Variants in SPPL3 observed in about 807,000 individuals in gnomAD.
The protein encoded by SPPL3 is signal peptide peptidase like 3, also known as signal peptide peptidase-like 3.
SPPL3 carries 5 observed loss-of-function variants against 42.4 expected under a neutral mutation model. The observed-to-expected ratio is 0.12, with a 90% CI of 0.06 to 0.25. The LOEUF is 0.25. Ranked by LOEUF, SPPL3 falls within the 10% of genes least tolerant of loss-of-function variation. SPPL3 has a pLI of 1.00. For missense variants in SPPL3, 235 were observed against 489.0 expected, an observed-to-expected ratio of 0.48 and a Z score of 4.90; for synonymous variants, 195 against 181.8, an observed-to-expected ratio of 1.07 and a Z score of -0.58.
At chr12:120,766,095 C>T (rs1296552409) in intron 10 of SPPL3, among the ~76,000 whole-genome samples, 168 bp downstream of exon 10, 2 of 94,030 alleles carry the variant, frequency 2.1e-5, no homozygotes, top group Non-Finnish European at 4.0e-5. Flanking sequence ...GGGTAGCGCG[C>T]GCGCGCACAC....
At chr12:120,854,297 T>C (rs903648308) in intron 1 of SPPL3, among the ~76,000 whole-genome samples, 1 of 152,146 alleles carries the variant, frequency 6.6e-6, no homozygotes, top group African/African-American at 2.4e-5. Context: ...GAGGTAAACA[T>C]GGTCCACCCC....
At chr12:120,766,167 G>T in intron 10 of SPPL3, 96 bp downstream of exon 10, 1 of 979,554 alleles carries the variant, frequency 1.0e-6, no homozygotes, top group East Asian at 2.9e-5. Flanking sequence ...CTCACTCAGG[G>T]GCTTAAGCAG....
chr12:120,900,804 C>T (rs1315627472), intron 1 of SPPL3, among the ~76,000 whole-genome samples: 1 of 151,616 alleles, frequency 6.6e-6, no homozygotes, highest in African/African-American at 2.4e-5. Flanking sequence ...CGTCTGTGGT[C>T]CCAGCCACCT....
intron 3 of SPPL3, among the ~76,000 whole-genome samples, chr12:120,788,922 T>G (rs987337810): frequency 6.6e-6 from 1 of 152,242 alleles, no homozygotes. Flanking sequence ...TCTTTGATTC[T>G]TGATAAATTC....
intron 2 of SPPL3, among the ~76,000 whole-genome samples, chr12:120,808,396 G>A (rs1870574809): frequency 6.6e-6 from 1 of 152,064 alleles, no homozygotes; most frequent in Non-Finnish European, 1.5e-5. Context: ...TTTGTAAACA[G>A]GGAGGTTCAC....
In SPPL3 at chr12:120,880,570, T is replaced by C. The variant is rs139250045; in HGVS notation, c.23+23275A>G. On this transcript the variant is annotated intron_variant, in intron 1 of 10. Transcript: ENST00000353487. Reference sequence around the variant, plus strand: ...TTGGGAGGCTGAAGTGTGCAGATCATGAGGTCAGGAGATGGAGACCATCCT... The same window carrying C: ...TTGGGAGGCTGAAGTGTGCAGATCACGAGGTCAGGAGATGGAGACCATCCT... 1.9e-3 allele frequency among the ~76,000 whole-genome samples: 291 copies of C among 152,038 alleles called. 2 individuals are homozygous for C. Among genetic ancestry groups the C allele is most frequent in the East Asian group, 0.014 (72 of 5,186 alleles).
chr12:120,790,602 C>CT (rs776115620), intron 3 of SPPL3, among the ~76,000 whole-genome samples: 23 of 152,318 alleles, frequency 1.5e-4, no homozygotes, highest in Non-Finnish European at 2.8e-4. Context: ...TCAAACCCAC[C>CT]TTCTCTTGTA....
At chr12:120,892,625 T>C (rs1245265676) in intron 1 of SPPL3, among the ~76,000 whole-genome samples, 2 of 152,134 alleles carry the variant, frequency 1.3e-5, no homozygotes, top group African/African-American at 2.4e-5. Flanking sequence ...GAAAGTCAGA[T>C]TGTAGAGGGT....
At chr12:120,854,666 C>T (rs1255953459) in intron 1 of SPPL3, among the ~76,000 whole-genome samples, 1 of 152,120 alleles carries the variant, frequency 6.6e-6, no homozygotes, top group African/African-American at 2.4e-5. Context: ...AAGACTCAAG[C>T]AAAAATGACT....
intron 1 of SPPL3, among the ~76,000 whole-genome samples, chr12:120,875,526 G>C (rs1400124113): frequency 2.6e-5 from 4 of 151,984 alleles, no homozygotes; most frequent in Admixed American, 2.6e-4. Flanking sequence ...CTACTCCAGA[G>C]GCTGAGGCAG....
chr12:120,886,894 G>C (rs1440309772), intron 1 of SPPL3, among the ~76,000 whole-genome samples: 1 of 152,160 alleles, frequency 6.6e-6, no homozygotes, highest in African/African-American at 2.4e-5. Context: ...AATGTGGCTA[G>C]TCTGAATTGA....
At chr12:120,774,917 A>T (rs975097356) in intron 6 of SPPL3, among the ~76,000 whole-genome samples, 48 of 152,236 alleles carry the variant, frequency 3.2e-4, no homozygotes, top group Middle Eastern at 6.8e-3. Flanking sequence ...GTAAATGATT[A>T]ATCTTAGCCA....
chr12:120,875,836 C>T (rs1873070014), intron 1 of SPPL3, among the ~76,000 whole-genome samples: 1 of 151,986 alleles, frequency 6.6e-6, no homozygotes, highest in Non-Finnish European at 1.5e-5. Flanking sequence ...AAGATCCGGC[C>T]ACATGCTATG....
At chr12:120,838,293 G>A (rs1040838145) in intron 1 of SPPL3, among the ~76,000 whole-genome samples, 3 of 152,170 alleles carry the variant, frequency 2.0e-5, no homozygotes, top group African/African-American at 7.2e-5. Context: ...CAGGAGAGGT[G>A]TGACTCTGTA....
At chr12:120,864,753 A>T (rs1363870042) in intron 1 of SPPL3, among the ~76,000 whole-genome samples, 1 of 152,232 alleles carries the variant, frequency 6.6e-6, no homozygotes, top group Non-Finnish European at 1.5e-5. Flanking sequence ...TCCTTAAAAC[A>T]ACCACAGTAC....
chr12:120,785,035 C>G (rs1869670295), intron 3 of SPPL3, among the ~76,000 whole-genome samples: 1 of 152,144 alleles, frequency 6.6e-6, no homozygotes, highest in East Asian at 1.9e-4. Context: ...CTCGTTGTTG[C>G]TAATAGTTGA....
intron 1 of SPPL3, among the ~76,000 whole-genome samples, chr12:120,829,994 CAAAA>C (rs35847324): frequency 5.0e-5 from 6 of 119,552 alleles, no homozygotes; most frequent in Non-Finnish European, 5.3e-5. Context: ...AACTCCATCT[CAAAA>C]AAAAAAAAAA....
At chr12:120,896,621 G>C (rs969881387) in intron 1 of SPPL3, among the ~76,000 whole-genome samples, 1 of 151,926 alleles carries the variant, frequency 6.6e-6, no homozygotes, top group Non-Finnish European at 1.5e-5. Flanking sequence ...TAAAGATACA[G>C]AAAACAAATT....
chr12:120,780,686 G>A (rs1869499509), intron 6 of SPPL3, among the ~76,000 whole-genome samples: 1 of 150,454 alleles, frequency 6.6e-6, no homozygotes, highest in East Asian at 2.0e-4. Flanking sequence ...TCAGGGGTTC[G>A]AGACTAGCCT....
Sources: allele counts gnomAD v4.1 joint callset (sites outside exome capture counted in the v4.1 genomes callset), GRCh38; gene constraint gnomAD v4.1.1; transcripts MANE v1.5; gene names NCBI Gene and HGNC (gene_info 2026-07-23, HGNC 2026-07-21).